The following ZNF438 variants were observed in gnomAD, a reference collection of about 807,000 sequenced individuals.
The protein encoded by ZNF438 is zinc finger protein 438.
A neutral mutation model predicts 38.0 loss-of-function variants in ZNF438; 25 were observed. The ratio of observed to expected loss-of-function variants is 0.66; its 90% CI spans 0.48 to 0.92. The LOEUF (loss-of-function observed/expected upper bound fraction) is 0.92. Among genes scored for constraint, ZNF438 ranks in the 40% least tolerant of loss-of-function variants. The pLI, the probability that ZNF438 is intolerant of heterozygous loss-of-function variation, is 0.00. For missense variants in ZNF438, 1,007 were observed against 999.6 expected, an observed-to-expected ratio of 1.01 and a Z score of -0.10; for synonymous variants, 372 against 364.1, an observed-to-expected ratio of 1.02 and a Z score of -0.25.
chr10:30,996,747 T>C (rs2054085721), intron 1 of ZNF438, among the ~76,000 whole-genome samples: 1 of 152,068 alleles, frequency 6.6e-6, no homozygotes, highest in Admixed American at 6.6e-5. Context: ...CAAGGCAATA[T>C]GCATTATTAA....
intron 4 of ZNF438, among the ~76,000 whole-genome samples, chr10:30,867,414 G>T (rs1247396928): frequency 6.6e-6 from 1 of 152,090 alleles, no homozygotes; most frequent in African/African-American, 2.4e-5. Flanking sequence ...CGTTAAACTA[G>T]GTTATTTTTG....
intron 4 of ZNF438, among the ~76,000 whole-genome samples, chr10:30,861,531 G>A (rs1027825915): frequency 1.3e-5 from 2 of 152,104 alleles, no homozygotes; most frequent in Non-Finnish European, 2.9e-5. Context: ...ACACAATGTG[G>A]TTGATAAACT....
At position 30,930,803 on chromosome 10, in the gene ZNF438, C is replaced by CAAAAAAAAAAAAAAAAAAAAAAAAA. The variant is rs71527620; in HGVS notation, c.-115+10747_-115+10771dup. 7.3e-4 allele frequency among the ~76,000 whole-genome samples: 28 copies of CAAAAAAAAAAAAAAAAAAAAAAAAA among 38,434 alleles called. 3 individuals carry two copies. The highest frequency in any genetic ancestry group is 8.8e-4 in the Non-Finnish European group (18 of 20,342). The allele number at this position is 38,434 out of a possible 152,430, so 25.2% of individuals were successfully genotyped here. On this transcript the variant is annotated intron_variant, in intron 2 of 5. Coordinates refer to ENST00000413025, the Ensembl canonical transcript of ZNF438. ...GCCTGGCGACAGAGAGAAACTCAGT[C>CAAAAAAAAAAAAAAAAAAAAAAAAA]AAAAAAAAAAAAAAAAAAAAAAAAA...
At chr10:30,955,824 AT>A (rs1279652528) in intron 1 of ZNF438, among the ~76,000 whole-genome samples, 4 of 152,098 alleles carry the variant, frequency 2.6e-5, no homozygotes, top group South Asian at 2.1e-4. Context: ...ACTTATTATT[AT>A]TTTTTTTAGT....
At chr10:30,849,511 T>C (rs771747144) in exon 5 of ZNF438, 6 of 1,614,216 alleles carry the variant, frequency 3.7e-6, no homozygotes, top group Non-Finnish European at 5.1e-6. Context: ...TCTTCATTCT[T>C]GAGTAGGGTG....
intron 5 of ZNF438, among the ~76,000 whole-genome samples, chr10:30,846,237 A>T (rs772081029): frequency 2.0e-5 from 3 of 152,204 alleles, no homozygotes; most frequent in Non-Finnish European, 4.4e-5. Flanking sequence ...TTTGGGGAAG[A>T]GGAGAAGATT....
chr10:30,898,757 C>T (rs545173861), intron 3 of ZNF438, among the ~76,000 whole-genome samples: 52 of 152,096 alleles, frequency 3.4e-4, no homozygotes, highest in African/African-American at 1.2e-3. Context: ...GACCATTACA[C>T]TCAATATATA....
intron 2 of ZNF438, among the ~76,000 whole-genome samples, chr10:30,940,923 A>C (rs1459222652): frequency 6.6e-6 from 1 of 151,744 alleles, no homozygotes; most frequent in African/African-American, 2.4e-5. Context: ...TTAAAAAACT[A>C]TATATATATA....
intron 4 of ZNF438, among the ~76,000 whole-genome samples, chr10:30,873,155 T>C (rs1318865034): frequency 6.6e-6 from 1 of 151,994 alleles, no homozygotes; most frequent in Non-Finnish European, 1.5e-5. Flanking sequence ...CATTTGAAAA[T>C]AACAGACAAA....
chr10:30,865,798 T>A (rs2036324163), intron 4 of ZNF438, among the ~76,000 whole-genome samples: 1 of 152,224 alleles, frequency 6.6e-6, no homozygotes. Context: ...TTTATTATAC[T>A]GCTGGAATGA....
At chr10:30,917,370 A>T (rs1285854508) in intron 2 of ZNF438, among the ~76,000 whole-genome samples, 1 of 152,092 alleles carries the variant, frequency 6.6e-6, no homozygotes, top group Non-Finnish European at 1.5e-5. Context: ...TCTTAGGCAA[A>T]TATCTAGGAG....
chr10:30,950,695 C>T (rs1169998002), intron 1 of ZNF438, among the ~76,000 whole-genome samples: 208 of 143,100 alleles, frequency 1.5e-3, no homozygotes, highest in African/African-American at 5.4e-3. Context: ...AAGACTAAAC[C>T]AGGAAGAAGT....
At chr10:30,907,467 A>C (rs1263836612) in intron 3 of ZNF438, among the ~76,000 whole-genome samples, 1 of 152,168 alleles carries the variant, frequency 6.6e-6, no homozygotes, top group Non-Finnish European at 1.5e-5. Context: ...TTTTGGTAGA[A>C]TTCACAGTGA....
At chr10:30,872,262 C>T (rs1234226938) in intron 4 of ZNF438, among the ~76,000 whole-genome samples, 1 of 151,566 alleles carries the variant, frequency 6.6e-6, no homozygotes, top group Non-Finnish European at 1.5e-5. Flanking sequence ...CCCCTCTCTA[C>T]TAAAAATACA....
chr10:30,930,803 C>CAAAAAAAAAACAAAAAAAAAAAAAAA (rs2045578909), intron 2 of ZNF438, among the ~76,000 whole-genome samples: 1 of 38,434 alleles, frequency 2.6e-5, no homozygotes, highest in Non-Finnish European at 4.9e-5. Flanking sequence ...GAAACTCAGT[C>CAAAAAAAAAACAAAAAAAAAAAAAAA]AAAAAAAAAA....
intron 4 of ZNF438, among the ~76,000 whole-genome samples, chr10:30,859,622 G>A (rs2035252961): frequency 1.3e-5 from 2 of 152,180 alleles, no homozygotes; most frequent in South Asian, 2.1e-4. Flanking sequence ...GTGCCTAAAT[G>A]TTAGGATCTA....
chr10:30,950,037 T>A (rs1283379613), intron 1 of ZNF438, among the ~76,000 whole-genome samples: 2 of 151,734 alleles, frequency 1.3e-5, no homozygotes, highest in South Asian at 4.2e-4. Flanking sequence ...ACAGAAATTA[T>A]AACAAACTAT....
At chr10:30,876,912 CT>C in intron 4 of ZNF438, 85 bp downstream of exon 5, 1 of 960,654 alleles carries the variant, frequency 1.0e-6, no homozygotes, top group Non-Finnish European at 1.5e-6. Context: ...AATAAGTTAC[CT>C]TATGATTAGA....
intron 1 of ZNF438, among the ~76,000 whole-genome samples, chr10:30,978,553 AG>A (rs2136368730): frequency 6.6e-6 from 1 of 152,326 alleles, no homozygotes; most frequent in Non-Finnish European, 1.5e-5. Context: ...AATCACCACC[AG>A]AATCAAGATA....
Sources: allele counts gnomAD v4.1 joint callset (sites outside exome capture counted in the v4.1 genomes callset), GRCh38; gene constraint gnomAD v4.1.1; transcripts MANE v1.5; gene names NCBI Gene and HGNC (gene_info 2026-07-23, HGNC 2026-07-21).